RNPS1: variants seen among roughly 807,000 people sequenced by gnomAD.
RNPS1 encodes the protein RNA binding protein with serine rich domain 1.
For synonymous variants in RNPS1, 147 were observed against 150.0 expected, an observed-to-expected ratio of 0.98 and a Z score of 0.15; for missense variants, 300 against 427.6, an observed-to-expected ratio of 0.70 and a Z score of 2.63.
At chr16:2,260,012 T>C (rs545780005) in intron 6 of RNPS1, among the ~76,000 whole-genome samples, 25 of 152,352 alleles carry the variant, frequency 1.6e-4, no homozygotes, top group African/African-American at 5.5e-4. Flanking sequence ...CTAATCCTTT[T>C]ATTTTTCAAA....
At chr16:2,263,995 G>A in intron 3 of RNPS1, 181 bp downstream of exon 3, 1 of 690,756 alleles carries the variant, frequency 1.4e-6, no homozygotes. Context: ...CTCCCAAAGT[G>A]CTGGGATTAT....
intron 6 of RNPS1, 105 bp downstream of exon 6, chr16:2,262,173 T>A: frequency 8.2e-7 from 1 of 1,222,016 alleles, no homozygotes; most frequent in Non-Finnish European, 1.2e-6. Context: ...TGAAACTCTG[T>A]CTCAAACAAA....
At chr16:2,264,892 G>C (rs2093618972) in intron 1 of RNPS1, 132 bp from the exon 2 acceptor site, 1 of 631,174 alleles carries the variant, frequency 1.6e-6, no homozygotes, top group Non-Finnish European at 2.5e-6. Flanking sequence ...ACACAGTCAG[G>C]AACACATAGG....
At position 2,262,737 on chromosome 16, in the gene RNPS1, C is replaced by T; in HGVS notation, c.522+3G>A. The T allele has an allele frequency of 6.2e-7, 1 of 1,611,610 alleles. No individual in the cohort carries two copies. The highest frequency in any genetic ancestry group is 8.5e-7 in the Non-Finnish European group (1 of 1,179,126). On this transcript the variant is annotated splice_donor_region_variant and intron_variant, in intron 5 of 7. Transcript: ENST00000320225. ...GCCCACAGGAGAGATCCATGATCCT[C>T]ACCTTTGTCACATTCCGGGTGAGTC... is the stretch of plus-strand genomic sequence containing the variant.
chr16:2,265,486 A>AT (rs34309123), intron 1 of RNPS1: 12,301 of 143,252 alleles, frequency 0.086, 1,663 homozygotes, highest in African/African-American at 0.29. Flanking sequence ...TTAACCTCTG[A>AT]TTTTTTTTTT....
rs1214166532 is a variant in RNPS1 at position 2,262,937 on chromosome 16, T to C, written c.420-95A>G. ...AGCTCTTATCTGCTTGTGTGACAGT[T>C]TTCATAAGGAAGACTTTCCTGCTAG... On this transcript the variant is annotated intron_variant, in intron 4 of 7. Transcript: ENST00000320225. The C allele has an allele frequency of 2.3e-6, 3 of 1,326,078 alleles. No individual in the cohort carries two copies. The East Asian group carries it at 6.9e-5, about 31-fold the overall frequency. The allele number at this position is 1,326,078 out of a possible 1,614,324, so 82.1% of individuals were successfully genotyped here.
At chr16:2,254,239 G>A (rs1019703935) in intron 7 of RNPS1, among the ~76,000 whole-genome samples, 176 bp from the exon 8 acceptor site, 11 of 152,112 alleles carry the variant, frequency 7.2e-5, no homozygotes, top group Admixed American at 6.5e-4. Flanking sequence ...GGGTTCAAGC[G>A]ATTCTCCTGC....
intron 6 of RNPS1, among the ~76,000 whole-genome samples, chr16:2,261,178 T>C (rs2093601727): frequency 6.6e-6 from 1 of 152,068 alleles, no homozygotes; most frequent in African/African-American, 2.4e-5. Flanking sequence ...CCAAATACTG[T>C]TCTCAATTTT....
chr16:2,255,016 C>A (rs2093571373), intron 7 of RNPS1, among the ~76,000 whole-genome samples: 1 of 152,204 alleles, frequency 6.6e-6, no homozygotes, highest in Non-Finnish European at 1.5e-5. Context: ...TGATTACAGG[C>A]CTGAGCCACC....
chr16:2,261,477 C>T (rs1449220454), intron 6 of RNPS1, among the ~76,000 whole-genome samples: 3 of 152,238 alleles, frequency 2.0e-5, no homozygotes, highest in African/African-American at 7.2e-5. Flanking sequence ...AATGCTTCAT[C>T]TCCCTACGAT....
chr16:2,262,471 G>C (rs909045352), intron 5 of RNPS1, 40 bp from the exon 6 acceptor site: 8 of 1,608,262 alleles, frequency 5.0e-6, no homozygotes, highest in Non-Finnish European at 5.1e-6. Flanking sequence ...CCAGCTACCA[G>C]TCAGTCACGT....
In RNPS1 at chr16:2,255,544, T is replaced by A. The variant is rs776598754; in HGVS notation, c.818+41A>T. 2.6e-6 allele frequency: 4 copies of A among 1,540,108 alleles called. No homozygotes were observed. In the Admixed American group the frequency reaches 8.3e-5, roughly 32 times the overall value. ...TGAAAGTCACTGCGGTCACATGAGG[T>A]TTGTGGCCTGATCAGTCCACTGAAA... On this transcript the variant is annotated intron_variant, in intron 7 of 7. Coordinates refer to ENST00000320225, the MANE Select transcript of RNPS1 (RefSeq NM_080594.4).
intron 2 of RNPS1, 107 bp from the exon 3 acceptor site, chr16:2,264,438 G>C: frequency 6.4e-7 from 1 of 1,555,408 alleles, no homozygotes; most frequent in Non-Finnish European, 8.8e-7. Context: ...GACCCGAGGT[G>C]ACCACAGAGC....
chr16:2,262,921 C>G, intron 4 of RNPS1, 79 bp from the exon 5 acceptor site: 1 of 1,365,812 alleles, frequency 7.3e-7, no homozygotes, highest in Non-Finnish European at 1.0e-6. Flanking sequence ...AAGCTCTTAT[C>G]TGCTTGTGTG....
chr16:2,264,347 G>C lies in RNPS1; in HGVS notation c.72-16C>G, dbSNP rs1180933149. On this transcript the variant is annotated splice_polypyrimidine_tract_variant and intron_variant, in intron 2 of 7. Transcript: ENST00000320225. ...TGAAGGAGCCCTGGATGGTGAGGAA[G>C]AGTGTGAGATTGCGTGCTCCTCTGA... 4 of 1,614,040 alleles carry C rather than the reference G, an allele frequency of 2.5e-6. No individual in the cohort carries two copies. In the East Asian group the frequency reaches 6.7e-5, roughly 27 times the overall value.
chr16:2,268,066 G>T lies in RNPS1; in HGVS notation c.-129C>A. 1 of 1,535,058 alleles carries T rather than the reference G, an allele frequency of 6.5e-7. No homozygotes were observed. Among genetic ancestry groups the T allele is most frequent in the Non-Finnish European group, 8.7e-7 (1 of 1,146,654 alleles). On this transcript the variant is annotated 5_prime_UTR_variant, in exon 1 of 8. Coordinates refer to ENST00000320225, the MANE Select transcript of RNPS1 (RefSeq NM_080594.4). ...CCGCCCCAACTTACATCTTCCCGCC[G>T]CCGCCACCTCCTCCTGCTTTCCTCA...
rs759258782 is a variant in RNPS1 at position 2,253,868 on chromosome 16, G to A, written c.*96C>T. ...GCCTGCAAATCCTGCCAGAGTCAAG[G>A]GTTTGCTTTCCTACTGGTCTTCCTT... On this transcript the variant is annotated 3_prime_UTR_variant, in exon 8 of 8. Transcript: ENST00000320225. The A allele has an allele frequency of 7.2e-6, 8 of 1,110,148 alleles. No individual in the cohort carries two copies. Among genetic ancestry groups the A allele is most frequent in the Admixed American group, 4.0e-5 (2 of 50,402 alleles). 68.8% of individuals were successfully genotyped at this position (1,110,148 alleles called of 1,614,324 possible).
At position 2,268,080 on chromosome 16, in the gene RNPS1, C is replaced by T. The variant is rs1391363936; in HGVS notation, c.-143G>A. 9.1e-6 allele frequency: 14 copies of T among 1,535,372 alleles called. No individual in the cohort carries two copies. The highest frequency in any genetic ancestry group is 1.4e-5 in the African/African-American group (1 of 73,042). Reference sequence around the variant, plus strand: ...ATCTTCCCGCCGCCGCCACCTCCTCCTGCTTTCCTCAGCCGCCGAGGCCGG... The same window carrying T: ...ATCTTCCCGCCGCCGCCACCTCCTCTTGCTTTCCTCAGCCGCCGAGGCCGG... On this transcript the variant is annotated 5_prime_UTR_variant, in exon 1 of 8. Transcript: ENST00000320225.
chr16:2,261,385 A>G (rs1250979944), intron 6 of RNPS1, among the ~76,000 whole-genome samples: 1 of 152,180 alleles, frequency 6.6e-6, no homozygotes, highest in Non-Finnish European at 1.5e-5. Flanking sequence ...CCGGGAACAA[A>G]TCCACCTCTT....
Sources: gnomAD v4.1 joint callset for allele counts (sites outside exome capture counted in the v4.1 genomes callset) on GRCh38, gnomAD v4.1.1 for gene constraint, MANE v1.5 for transcripts, NCBI Gene and HGNC (gene_info 2026-07-23, HGNC 2026-07-21) for gene names.